The following RGL1 variants were observed in gnomAD, a reference collection of about 807,000 sequenced individuals.
RGL1 encodes the protein ral guanine nucleotide dissociation stimulator like 1.
In RGL1, 24 loss-of-function variants were observed where a neutral mutation model predicts 95.2. That is an observed-to-expected ratio of 0.25 (90% confidence interval 0.18 to 0.35). The LOEUF is 0.35. RGL1 is among the 10% of genes least tolerant of loss of function. The pLI is 1.00. For synonymous variants in RGL1, 329 were observed against 344.9 expected (o/e 0.95, Z 0.51); for missense variants, 715 against 936.3 (o/e 0.76, Z 3.08).
chr1:183,754,314 T>C (rs190260548), intron 2 of RGL1: 2 of 152,246 alleles, frequency 1.3e-5, no homozygotes, highest in African/African-American at 4.8e-5. Context: ...TCCCATAAGC[T>C]AACCTTGGGC....
chr1:183,923,859 T>C (rs1254850960), intron 17 of RGL1, among the ~76,000 whole-genome samples: 1 of 152,220 alleles, frequency 6.6e-6, no homozygotes, highest in African/African-American at 2.4e-5. Flanking sequence ...CCTGCTCATA[T>C]CAGTCTTGTT....
At chr1:183,700,239 G>A (rs1654506450) in intron 1 of RGL1, among the ~76,000 whole-genome samples, 1 of 152,270 alleles carries the variant, frequency 6.6e-6, no homozygotes, top group South Asian at 2.1e-4. Context: ...GGGAAGAAAG[G>A]AATTGTAGGC....
chr1:183,669,690 A>G (rs1652307097), intron 1 of RGL1, among the ~76,000 whole-genome samples: 1 of 152,192 alleles, frequency 6.6e-6, no homozygotes, highest in Admixed American at 6.5e-5. Context: ...GTTCATTTTC[A>G]TACTGCTATG....
chr1:183,797,148 G>T lies in RGL1; in HGVS notation c.133-9227G>T, dbSNP rs369341397. ...AGTTTGAGACCAGCCTGGCCAACAT[G>T]GCGAAACCCCGTCTCTATAAAAAAT... On this transcript the variant is annotated intron_variant, in intron 2 of 18. Coordinates refer to the RGL1 transcript ENST00000304685. 4.7e-4 allele frequency among the ~76,000 whole-genome samples: 72 copies of T among 152,080 alleles called. 1 individual carries two copies. In the East Asian group the frequency reaches 0.014, roughly 29 times the overall value.
At chr1:183,766,764 C>G (rs767979970) in intron 2 of RGL1, among the ~76,000 whole-genome samples, 6 of 150,898 alleles carry the variant, frequency 4.0e-5, no homozygotes, top group Non-Finnish European at 8.8e-5. Context: ...AAAACCAATC[C>G]AAGTTTAAAA....
At chr1:183,898,831 C>T (rs1409783455) in intron 10 of RGL1, among the ~76,000 whole-genome samples, 1 of 152,182 alleles carries the variant, frequency 6.6e-6, no homozygotes, top group African/African-American at 2.4e-5. Context: ...GTATGAACCT[C>T]ACAAAGCAGT....
At position 183,922,188 on chromosome 1, in the gene RGL1, A is replaced by C. The variant is rs767924457; in HGVS notation, c.2005-34A>C. 24 of 1,557,530 alleles carry C rather than the reference A, an allele frequency of 1.5e-5. No individual in the cohort carries two copies. In the Admixed American group the frequency reaches 4.0e-4, roughly 26 times the overall value. ...GAACTCCCTCAGGAAACGTGAAGCT[A>C]AGTACTTTACAAACCTGTTCATTGT... On this transcript the variant is annotated intron_variant, in intron 16 of 17. Coordinates refer to ENST00000360851, the MANE Select transcript of RGL1 (RefSeq NM_001297671.3).
intron 11 of RGL1, 66 bp from the exon 12 acceptor site, chr1:183,902,502 C>A (rs1572578424): frequency 7.2e-7 from 1 of 1,386,202 alleles, no homozygotes; most frequent in East Asian, 2.3e-5. Flanking sequence ...ATGTGACCTA[C>A]GACAACATAT....
intron 2 of RGL1, among the ~76,000 whole-genome samples, chr1:183,811,370 G>A (rs1180896960): frequency 2.0e-5 from 3 of 152,090 alleles, no homozygotes; most frequent in Non-Finnish European, 4.4e-5. Flanking sequence ...TGCAGGAGTG[G>A]GATTTTAGAA....
At chr1:183,905,872 G>A (rs1668291651) in intron 13 of RGL1, among the ~76,000 whole-genome samples, 1 of 152,162 alleles carries the variant, frequency 6.6e-6, no homozygotes, top group Admixed American at 6.5e-5. Flanking sequence ...TCAGATTTCA[G>A]TATCTACATA....
intron 2 of RGL1, among the ~76,000 whole-genome samples, chr1:183,791,297 C>A (rs1182403024): frequency 1.3e-5 from 2 of 152,150 alleles, no homozygotes; most frequent in Admixed American, 6.5e-5. Flanking sequence ...GATATACAAT[C>A]CACAGTTGAT....
At chr1:183,908,253 ACAGG>A (rs1429315824) in intron 14 of RGL1, among the ~76,000 whole-genome samples, 1 of 152,168 alleles carries the variant, frequency 6.6e-6, no homozygotes, top group Non-Finnish European at 1.5e-5. Flanking sequence ...ACATTGAGAC[ACAGG>A]CAGGGATGGC....
chr1:183,735,540 CA>C (rs920356730), intron 1 of RGL1, among the ~76,000 whole-genome samples: 26 of 151,818 alleles, frequency 1.7e-4, no homozygotes, highest in African/African-American at 6.0e-4. Flanking sequence ...TTATGGAAAG[CA>C]AAAAAAGCAA....
At chr1:183,824,160 G>C (rs1297678667) in intron 2 of RGL1, among the ~76,000 whole-genome samples, 1 of 151,726 alleles carries the variant, frequency 6.6e-6, no homozygotes, top group Non-Finnish European at 1.5e-5. Flanking sequence ...TGGGATTTTG[G>C]GAACATTTGT....
intron 2 of RGL1, among the ~76,000 whole-genome samples, chr1:183,752,175 C>T (rs1306457058): frequency 6.6e-6 from 1 of 152,086 alleles, no homozygotes; most frequent in African/African-American, 2.4e-5. Context: ...ATCCACAGTG[C>T]ATAAGAGTTT....
At position 183,922,226 on chromosome 1, in the gene RGL1, C is replaced by T. The variant is rs755186078; in HGVS notation, c.2009C>T (p.Thr670Met). The change falls in exon 17 of 18, where the codon ACG becomes ATG. Residue 670 changes from threonine (T) to methionine (M), a missense_variant. This residue lies in a region of RGL1 where 330 missense variants were observed against 429.6 expected (regional missense o/e 0.77). Transcript: ENST00000360851. ...NGNMYKSIML[T>M]SQDKTPAVIQ... is the part of the protein sequence containing the mutation. ...ACCTGTTCATTGTCTTTGCAGTTGA[C>T]GAGCCAGGATAAAACCCCCGCTGTG... 13 of 1,613,488 alleles carry T rather than the reference C, an allele frequency of 8.1e-6. No homozygotes were observed. Among genetic ancestry groups the T allele is most frequent in the South Asian group, 5.5e-5 (5 of 91,060 alleles).
chr1:183,805,667 T>G (rs1439940133), intron 1 of RGL1, among the ~76,000 whole-genome samples: 3 of 152,210 alleles, frequency 2.0e-5, no homozygotes, highest in African/African-American at 7.2e-5. Context: ...GCTGGGGACA[T>G]GGAAATCCAG....
At chr1:183,742,888 A>T (rs1657399150) in intron 2 of RGL1, among the ~76,000 whole-genome samples, 1 of 152,240 alleles carries the variant, frequency 6.6e-6, no homozygotes, top group Non-Finnish European at 1.5e-5. Context: ...ATGAAGAGGT[A>T]TAAAAGGAAG....
In RGL1 at chr1:183,902,476, C is replaced by T. The variant is rs1433837350; in HGVS notation, c.1318-92C>T. On this transcript the variant is annotated intron_variant, in intron 11 of 17. Transcript: ENST00000360851. ...CATTGATAATTGTGACTTTATCACC[C>T]CTTTGATCTATTTTAATGTGACCTA... 5.3e-6 allele frequency: 5 copies of T among 944,238 alleles called. No individual in the cohort carries two copies. The South Asian group carries it at 5.7e-5, about 11-fold the overall frequency. 58.5% of individuals were successfully genotyped at this position (944,238 alleles called of 1,614,324 possible).
Sources: gnomAD v4.1 joint callset for allele counts (sites outside exome capture counted in the v4.1 genomes callset) on GRCh38, gnomAD v4.1.1 for gene constraint, gnomAD v4.1.1 regional missense constraint, MANE v1.5 for transcripts, NCBI Gene and HGNC (gene_info 2026-07-23, HGNC 2026-07-21) for gene names.